SUGCT: variants seen among roughly 807,000 people sequenced by gnomAD.
SUGCT encodes the protein succinyl-CoA:glutarate-CoA transferase.
In SUGCT, 41 loss-of-function variants were observed where a neutral mutation model predicts 55.0. The ratio of observed to expected loss-of-function variants is 0.74; its 90% CI spans 0.58 to 0.97. SUGCT has a LOEUF of 0.97. Among genes scored for constraint, SUGCT ranks in the 50% least tolerant of loss-of-function variants. The probability of loss-of-function intolerance (pLI) is 0.00; values close to 1 mark genes in which losing one functional copy is unlikely to be tolerated. For synonymous variants in SUGCT, 187 were observed against 200.4 expected, an observed-to-expected ratio of 0.93 and a Z score of 0.56; for missense variants, 568 against 547.8, an observed-to-expected ratio of 1.04 and a Z score of -0.37.
chr7:40,271,840 A>C (rs1584522259), intron 7 of SUGCT, among the ~76,000 whole-genome samples: 1 of 151,030 alleles, frequency 6.6e-6, no homozygotes, highest in East Asian at 2.0e-4. Flanking sequence ...TCCTCCCCCT[A>C]CCCTTCCCAG....
intron 12 of SUGCT, among the ~76,000 whole-genome samples, chr7:40,651,544 T>G (rs907339984): frequency 6.6e-6 from 1 of 152,182 alleles, no homozygotes; most frequent in Non-Finnish European, 1.5e-5. Context: ...TATCATCATG[T>G]GCCTAGGCAT....
chr7:40,939,449 T>C, the SUGCT span, among the ~76,000 whole-genome samples: 5 of 152,320 alleles, frequency 3.3e-5, no homozygotes, highest in African/African-American at 1.2e-4. Context: ...ATCCTACTTT[T>C]AGTTCTTTGA....
intron 8 of SUGCT, among the ~76,000 whole-genome samples, chr7:40,309,546 T>C (rs956081366): frequency 3.9e-5 from 6 of 152,110 alleles, no homozygotes; most frequent in African/African-American, 1.4e-4. Flanking sequence ...CCACCTGCCT[T>C]GGCCTCCAAA....
intron 13 of SUGCT, among the ~76,000 whole-genome samples, chr7:40,756,972 A>AC (rs1788283444): frequency 6.6e-6 from 1 of 152,182 alleles, no homozygotes; most frequent in South Asian, 2.1e-4. Flanking sequence ...GAATTTTCAA[A>AC]TAGACTAGCT....
chr7:40,694,472 G>A (rs1257685752), intron 12 of SUGCT, among the ~76,000 whole-genome samples: 2 of 152,148 alleles, frequency 1.3e-5, no homozygotes, highest in South Asian at 2.1e-4. Context: ...TCTTGATGTC[G>A]AGCCTTTTCA....
intron 12 of SUGCT, among the ~76,000 whole-genome samples, chr7:40,575,319 A>G (rs919070397): frequency 6.6e-6 from 1 of 152,102 alleles, no homozygotes; most frequent in Non-Finnish European, 1.5e-5. Context: ...TTAATTTCTT[A>G]CCAACGTTAT....
the SUGCT span, among the ~76,000 whole-genome samples, chr7:40,912,055 A>G: frequency 6.6e-6 from 1 of 152,226 alleles, no homozygotes; most frequent in African/African-American, 2.4e-5. Context: ...TTTATATGAC[A>G]AATTTACTGC....
At chr7:41,026,443 A>G in the SUGCT span, among the ~76,000 whole-genome samples, 1 of 152,200 alleles carries the variant, frequency 6.6e-6, no homozygotes, top group African/African-American at 2.4e-5. Flanking sequence ...CTGTCCTGCC[A>G]TCAAGCTCTG....
chr7:40,495,694 A>T (rs898693766), intron 11 of SUGCT, among the ~76,000 whole-genome samples: 3 of 152,194 alleles, frequency 2.0e-5, no homozygotes, highest in East Asian at 3.8e-4. Flanking sequence ...TTATAGTAGA[A>T]ATAAAACAGA....
chr7:40,327,323 T>C (rs534649825), intron 9 of SUGCT, among the ~76,000 whole-genome samples: 2 of 152,290 alleles, frequency 1.3e-5, no homozygotes, highest in Non-Finnish European at 1.5e-5. Flanking sequence ...CTGAAGAATA[T>C]AGGTCACTGG....
intron 13 of SUGCT, among the ~76,000 whole-genome samples, chr7:40,778,472 A>G (rs1016812002): frequency 6.6e-6 from 1 of 152,224 alleles, no homozygotes; most frequent in Non-Finnish European, 1.5e-5. Context: ...TTTTCCTGGC[A>G]GAAGTAAAAT....
chr7:40,828,259 C>T (rs572874090), intron 13 of SUGCT, among the ~76,000 whole-genome samples: 14 of 152,244 alleles, frequency 9.2e-5, no homozygotes, highest in Admixed American at 5.9e-4. Flanking sequence ...GAACCTCTAT[C>T]CCCAACCCAT....
At chr7:40,202,653 C>A (rs941457491) in intron 6 of SUGCT, among the ~76,000 whole-genome samples, 2 of 151,948 alleles carry the variant, frequency 1.3e-5, no homozygotes, top group African/African-American at 2.4e-5. Context: ...TGCAGTGGAG[C>A]CTTCTGTGTG....
intron 12 of SUGCT, among the ~76,000 whole-genome samples, chr7:40,528,241 T>C (rs1793907590): frequency 6.6e-6 from 1 of 152,206 alleles, no homozygotes; most frequent in Admixed American, 6.5e-5. Flanking sequence ...TTATTTACTT[T>C]GACTAGACTA....
At chr7:40,692,370 A>G (rs1369268434) in intron 12 of SUGCT, among the ~76,000 whole-genome samples, 1 of 152,206 alleles carries the variant, frequency 6.6e-6, no homozygotes, top group Non-Finnish European at 1.5e-5. Context: ...AGGACAATGG[A>G]TTGGGGCATA....
chr7:40,666,355 A>AAGGAAGGAAGG (rs1801630722), intron 12 of SUGCT, among the ~76,000 whole-genome samples: 62 of 121,844 alleles, frequency 5.1e-4, no homozygotes, highest in Middle Eastern at 4.4e-3. Context: ...CTCAAGAAAG[A>AAGGAAGGAAGG]AAGGAAGGAA....
At chr7:40,584,467 G>A (rs1797267268) in intron 12 of SUGCT, among the ~76,000 whole-genome samples, 1 of 152,102 alleles carries the variant, frequency 6.6e-6, no homozygotes, top group Non-Finnish European at 1.5e-5. Flanking sequence ...AAGTGAAGTT[G>A]GAAAATCCCA....
At chr7:40,243,320 C>T (rs1224758964) in intron 7 of SUGCT, among the ~76,000 whole-genome samples, 3 of 151,692 alleles carry the variant, frequency 2.0e-5, no homozygotes, top group South Asian at 2.1e-4. Context: ...TGAACAAAGA[C>T]GTATTGACCA....
chr7:40,398,536 A>G (rs1185839123), intron 9 of SUGCT, among the ~76,000 whole-genome samples: 2 of 119,862 alleles, frequency 1.7e-5, no homozygotes, highest in African/African-American at 3.1e-5. Flanking sequence ...TTTTTTTCTA[A>G]TTTTCTTGTT....
Sources: gnomAD v4.1 joint callset for allele counts (sites outside exome capture counted in the v4.1 genomes callset) on GRCh38, gnomAD v4.1.1 for gene constraint, MANE v1.5 for transcripts, NCBI Gene and HGNC (gene_info 2026-07-23, HGNC 2026-07-21) for gene names.